RORB: variants seen among roughly 807,000 people sequenced by gnomAD.
RORB encodes the protein nuclear receptor ROR-beta.
A neutral mutation model predicts 59.1 loss-of-function variants in RORB; 6 were observed. That is an observed-to-expected ratio of 0.10 (90% CI 0.06 to 0.20). The LOEUF (loss-of-function observed/expected upper bound fraction) is 0.20. RORB is among the 10% of genes least tolerant of loss of function. RORB has a pLI of 1.00. For missense variants in RORB, 320 were observed against 560.5 expected, an observed-to-expected ratio of 0.57 and a Z score of 4.33; for synonymous variants, 215 against 204.5, an observed-to-expected ratio of 1.05 and a Z score of -0.44.
intron 1 of RORB, among the ~76,000 whole-genome samples, chr9:74,564,336 A>G (rs1295692252): frequency 6.6e-6 from 1 of 152,260 alleles, no homozygotes; most frequent in South Asian, 2.1e-4. Context: ...AAAGCAAATG[A>G]AGCATAAGCA....
intron 1 of RORB, among the ~76,000 whole-genome samples, chr9:74,520,477 T>A (rs1826070134): frequency 6.6e-6 from 1 of 151,936 alleles, no homozygotes; most frequent in African/African-American, 2.4e-5. Context: ...TTTCCTCACC[T>A]GTCCAATATG....
chr9:74,529,478 A>G (rs1377737106), intron 1 of RORB, among the ~76,000 whole-genome samples: 1 of 151,834 alleles, frequency 6.6e-6, no homozygotes, highest in Admixed American at 6.6e-5. Flanking sequence ...ATCTTTGAAA[A>G]TTGAGGCTTT....
chr9:74,541,139 G>A lies in RORB; in HGVS notation c.7+43156G>A, dbSNP rs187599983. Among the ~76,000 whole-genome samples, 542 of 151,810 alleles carry A rather than the reference G, an allele frequency of 3.6e-3. 3 individuals are homozygous for A. Among genetic ancestry groups the A allele is most frequent in the Non-Finnish European group, 6.0e-3 (407 of 67,904 alleles). On this transcript the variant is annotated intron_variant, in intron 1 of 9. Coordinates refer to ENST00000376896, the MANE Select transcript of RORB (RefSeq NM_006914.4). Reference sequence around the variant, plus strand: ...CTACTAAAAATATAAAAGTAGCCGGGTGTGGTGGTACATGCCTGTAATCTC... The same window carrying A: ...CTACTAAAAATATAAAAGTAGCCGGATGTGGTGGTACATGCCTGTAATCTC...
At chr9:74,654,363 A>C (rs1824046139) in intron 4 of RORB, among the ~76,000 whole-genome samples, 1 of 145,760 alleles carries the variant, frequency 6.9e-6, no homozygotes. Flanking sequence ...AGAGAGAGAG[A>C]GAGAGAGAGT....
chr9:74,640,919 C>A (rs1823793006), intron 3 of RORB, among the ~76,000 whole-genome samples: 2 of 152,200 alleles, frequency 1.3e-5, no homozygotes, highest in African/African-American at 2.4e-5. Flanking sequence ...CTGTGGGAAT[C>A]TCTTCTGTGT....
intron 3 of RORB, among the ~76,000 whole-genome samples, chr9:74,638,054 G>T (rs772031226): frequency 6.6e-6 from 1 of 152,144 alleles, no homozygotes; most frequent in Non-Finnish European, 1.5e-5. Context: ...AAAAAGGGTG[G>T]CAGAAGAGGC....
intron 1 of RORB, among the ~76,000 whole-genome samples, chr9:74,559,232 G>C (rs899577369): frequency 6.6e-6 from 1 of 152,160 alleles, no homozygotes; most frequent in African/African-American, 2.4e-5. Flanking sequence ...TTGTAGATTT[G>C]TGTCTTTTTA....
chr9:74,596,475 A>G (rs968738526), intron 1 of RORB, among the ~76,000 whole-genome samples: 17 of 152,312 alleles, frequency 1.1e-4, no homozygotes, highest in African/African-American at 3.8e-4. Flanking sequence ...GTGAGACTTC[A>G]TGGTTCTACT....
At chr9:74,626,775 G>A (rs1049287587) in intron 1 of RORB, among the ~76,000 whole-genome samples, 2 of 152,194 alleles carry the variant, frequency 1.3e-5, no homozygotes, top group African/African-American at 4.8e-5. Flanking sequence ...TGTTATAGTG[G>A]CAAGATATTG....
chr9:74,642,283 C>G (rs1823820728), intron 3 of RORB, 131 bp from the exon 4 acceptor site: 4 of 916,582 alleles, frequency 4.4e-6, no homozygotes, highest in Non-Finnish European at 6.6e-6. Flanking sequence ...TGAATGGGTT[C>G]TTAAGTTATG....
intron 1 of RORB, among the ~76,000 whole-genome samples, chr9:74,576,273 T>A (rs1399671284): frequency 6.6e-6 from 1 of 152,128 alleles, no homozygotes; most frequent in Non-Finnish European, 1.5e-5. Flanking sequence ...TAGACTCCAT[T>A]GTTTGGGACC....
chr9:74,615,477 C>T, intron 1 of RORB: 1 of 253,208 alleles, frequency 3.9e-6, no homozygotes. Context: ...ACTCCTCTTT[C>T]ATTTAATCTC....
At chr9:74,672,839 C>A (rs951608243) in intron 9 of RORB, among the ~76,000 whole-genome samples, 2 of 152,112 alleles carry the variant, frequency 1.3e-5, no homozygotes, top group Non-Finnish European at 2.9e-5. Flanking sequence ...GGTTAAAGAT[C>A]ATAGGAATCC....
At chr9:74,659,151 G>A (rs1465281252) in intron 4 of RORB, among the ~76,000 whole-genome samples, 1 of 152,108 alleles carries the variant, frequency 6.6e-6, no homozygotes, top group Admixed American at 6.6e-5. Flanking sequence ...TTTCCAACGT[G>A]CCAGGCAATG....
intron 1 of RORB, among the ~76,000 whole-genome samples, chr9:74,524,003 CTTTT>C (rs10666385): frequency 8.0e-6 from 1 of 124,284 alleles, no homozygotes; most frequent in Non-Finnish European, 1.6e-5. Context: ...TCAACGACAC[CTTTT>C]TTTTTTTTTT....
chr9:74,665,873 G>A (rs1010701332), intron 7 of RORB, among the ~76,000 whole-genome samples: 7 of 152,300 alleles, frequency 4.6e-5, no homozygotes, highest in African/African-American at 1.4e-4. Flanking sequence ...CCAGCGTGGT[G>A]GCTCATGCGT....
At chr9:74,580,160 T>C (rs995702842) in intron 1 of RORB, among the ~76,000 whole-genome samples, 5 of 152,084 alleles carry the variant, frequency 3.3e-5, no homozygotes, top group African/African-American at 1.2e-4. Flanking sequence ...CATATCCCGT[T>C]TGAATAAGTG....
At chr9:74,602,070 G>A (rs974155844) in intron 1 of RORB, among the ~76,000 whole-genome samples, 14 of 152,096 alleles carry the variant, frequency 9.2e-5, no homozygotes, top group Non-Finnish European at 1.6e-4. Context: ...TGTCATCATG[G>A]CACATTTAAC....
At chr9:74,548,845 AT>A (rs1165520937) in intron 1 of RORB, among the ~76,000 whole-genome samples, 3 of 152,012 alleles carry the variant, frequency 2.0e-5, no homozygotes, top group South Asian at 4.1e-4. Flanking sequence ...TATTCTAAGG[AT>A]TTTTTTATGG....
Sources: gnomAD v4.1 joint callset for allele counts (sites outside exome capture counted in the v4.1 genomes callset) on GRCh38, gnomAD v4.1.1 for gene constraint, MANE v1.5 for transcripts, NCBI Gene and HGNC (gene_info 2026-07-23, HGNC 2026-07-21) for gene names.